Variants in AGK observed in about 807,000 individuals in gnomAD.
The protein encoded by AGK is acylglycerol kinase, also known as acylglycerol kinase, mitochondrial.
A neutral mutation model predicts 66.4 loss-of-function variants in AGK; 52 were observed. That is an observed-to-expected ratio of 0.78 (90% CI 0.63 to 0.99). AGK has a LOEUF of 0.99. AGK is among the 50% of genes least tolerant of loss of function. The pLI, the probability that AGK is intolerant of heterozygous loss-of-function variation, is 0.00. For missense variants in AGK, 451 were observed against 506.6 expected (o/e 0.89, Z 1.05); for synonymous variants, 182 against 181.1 (o/e 1.00, Z -0.04).
chr7:141,576,269 G>A (rs1263338381), intron 2 of AGK, among the ~76,000 whole-genome samples: 1 of 152,078 alleles, frequency 6.6e-6, no homozygotes, highest in African/African-American at 2.4e-5. Context: ...ATTCATGGAT[G>A]GAGCAATGGT....
chr7:141,629,705 A>T (rs1049046447), intron 9 of AGK, among the ~76,000 whole-genome samples: 10 of 152,182 alleles, frequency 6.6e-5, no homozygotes, highest in African/African-American at 2.4e-4. Flanking sequence ...TTGCTAGGAT[A>T]CAGCACTCCA....
rs1411508079 is a variant in AGK at position 141,652,776 on chromosome 7, CTT to C, written c.1132-10_1132-9del. On this transcript the variant is annotated splice_polypyrimidine_tract_variant and intron_variant, in intron 15 of 15. Coordinates refer to ENST00000649286, the MANE Select transcript of AGK (RefSeq NM_018238.4). ...GTGTTTGAGCTGTTCTGAATATTCT[CTT>C]CTCCCCAGGGAGCAGGGGGCTCTTT... 2.5e-6 allele frequency: 4 copies of C among 1,612,350 alleles called. No individual in the cohort carries two copies. The African/African-American group carries it at 5.3e-5, about 22-fold the overall frequency.
At chr7:141,622,290 C>A (rs987795329) in intron 9 of AGK, among the ~76,000 whole-genome samples, 1 of 152,070 alleles carries the variant, frequency 6.6e-6, no homozygotes, top group East Asian at 1.9e-4. Flanking sequence ...CACTTTTAGA[C>A]CTTATCTTTG....
At chr7:141,641,985 T>C in intron 13 of AGK, 77 bp downstream of exon 13, 2 of 1,233,776 alleles carry the variant, frequency 1.6e-6, no homozygotes, top group South Asian at 2.6e-5. Context: ...TCCCACTAAT[T>C]CAGTTATTTT....
intron 2 of AGK, among the ~76,000 whole-genome samples, chr7:141,589,728 T>G (rs956769449): frequency 2.6e-4 from 40 of 152,070 alleles, no homozygotes; most frequent in Non-Finnish European, 5.3e-4. Flanking sequence ...GCCTGGATAA[T>G]TTTGTATTTT....
chr7:141,577,165 G>A (rs1371730505), intron 2 of AGK, among the ~76,000 whole-genome samples: 1 of 152,230 alleles, frequency 6.6e-6, no homozygotes, highest in African/African-American at 2.4e-5. Context: ...GGCCATGAAA[G>A]GAAGAGTAGC....
intron 14 of AGK, among the ~76,000 whole-genome samples, chr7:141,650,929 T>C (rs985353347): frequency 9.9e-5 from 15 of 152,204 alleles, no homozygotes; most frequent in Admixed American, 3.9e-4. Flanking sequence ...GTAAATGCTA[T>C]GTGGATGGTT....
At chr7:141,585,338 T>G (rs908055895) in intron 2 of AGK, among the ~76,000 whole-genome samples, 1 of 152,142 alleles carries the variant, frequency 6.6e-6, no homozygotes, top group Non-Finnish European at 1.5e-5. Flanking sequence ...AAAAGCTCTC[T>G]CCCTCTGCAC....
chr7:141,641,698 A>G (rs1797294105), intron 12 of AGK, 113 bp from the exon 13 acceptor site: 10 of 859,220 alleles, frequency 1.2e-5, no homozygotes, highest in Middle Eastern at 3.5e-4. Context: ...AAATGAAGGC[A>G]GAGTCAGCAG....
At chr7:141,558,774 C>A (rs1397302525) in intron 2 of AGK, among the ~76,000 whole-genome samples, 1 of 152,128 alleles carries the variant, frequency 6.6e-6, no homozygotes, top group African/African-American at 2.4e-5. Flanking sequence ...TTTCTCCACG[C>A]CCTCATCAAC....
chr7:141,560,497 G>A (rs1009193279), intron 2 of AGK, among the ~76,000 whole-genome samples: 1 of 151,678 alleles, frequency 6.6e-6, no homozygotes, highest in Non-Finnish European at 1.5e-5. Context: ...TGGGGAACAG[G>A]TGGTGGTTTG....
intron 13 of AGK, among the ~76,000 whole-genome samples, chr7:141,647,239 G>A (rs1364794165): frequency 6.6e-6 from 1 of 152,160 alleles, no homozygotes. Flanking sequence ...ACGGCAGCCA[G>A]AGTGATCCTA....
chr7:141,628,877 A>T (rs1463160035), intron 9 of AGK, among the ~76,000 whole-genome samples: 1 of 152,218 alleles, frequency 6.6e-6, no homozygotes, highest in Non-Finnish European at 1.5e-5. Context: ...ATGATGCCTG[A>T]TAACTTGACT....
rs878985691 is a variant in AGK, at chr7:141,555,082, G to A, written c.-14-371G>A. ...ATGTATACTCTTAAACAGTGGTACA[G>A]TGAGGCTGTAAGGAGTTAGAAAAAC... is the stretch of plus-strand genomic sequence containing the variant. On this transcript the variant is annotated intron_variant, in intron 1 of 15. Transcript: ENST00000649286. The surrounding 1 kb of genome is among the most constrained non-coding windows in gnomAD (Gnocchi z 4.2). Among the ~76,000 whole-genome samples the A allele has an allele frequency of 3.3e-5, 5 of 151,682 alleles. No homozygotes were observed. The highest frequency in any genetic ancestry group is 2.1e-4 in the South Asian group (1 of 4,824).
chr7:141,648,943 A>G (rs1203020389), intron 13 of AGK, among the ~76,000 whole-genome samples: 1 of 152,092 alleles, frequency 6.6e-6, no homozygotes, highest in South Asian at 2.1e-4. Context: ...AAGGGAAGTA[A>G]TCCTAGAGAC....
chr7:141,558,094 A>C (rs1284698401), intron 2 of AGK, among the ~76,000 whole-genome samples: 1 of 152,032 alleles, frequency 6.6e-6, no homozygotes, highest in Admixed American at 6.6e-5. Flanking sequence ...TGAGTCATAT[A>C]GTATTTGTAT....
intron 2 of AGK, among the ~76,000 whole-genome samples, chr7:141,558,702 A>G (rs1426338287): frequency 1.3e-5 from 2 of 152,162 alleles, no homozygotes; most frequent in South Asian, 2.1e-4. Context: ...AAGAGCTTTC[A>G]TACTGTTTTC....
intron 2 of AGK, among the ~76,000 whole-genome samples, chr7:141,580,408 A>G (rs1223436118): frequency 1.3e-5 from 2 of 151,952 alleles, no homozygotes; most frequent in Non-Finnish European, 2.9e-5. Flanking sequence ...AAAGAAGGAA[A>G]TATGGGGAAA....
intron 3 of AGK, among the ~76,000 whole-genome samples, chr7:141,594,709 A>G (rs1175373219): frequency 8.7e-5 from 13 of 150,164 alleles, no homozygotes; most frequent in Non-Finnish European, 8.9e-5. Flanking sequence ...CTGGAGTGCA[A>G]TGGCACAATC....
Sources: gnomAD v4.1 joint callset for allele counts (sites outside exome capture counted in the v4.1 genomes callset) on GRCh38, gnomAD v4.1.1 for gene constraint, Gnocchi (gnomAD v3.1) non-coding constraint, MANE v1.5 for transcripts, NCBI Gene and HGNC (gene_info 2026-07-23, HGNC 2026-07-21) for gene names.